Variants in OSBPL3 observed in about 807,000 individuals in gnomAD.
The protein encoded by OSBPL3 is oxysterol-binding protein-related protein 3.
Under a neutral mutation model 120.1 loss-of-function variants are expected in OSBPL3, and 65 were observed. That is an observed-to-expected ratio of 0.54 (90% CI 0.44 to 0.67). The LOEUF is 0.67. Among genes scored for constraint, OSBPL3 ranks in the 30% least tolerant of loss-of-function variants. OSBPL3 has a pLI of 0.00. For synonymous variants in OSBPL3, 416 were observed against 402.6 expected, an observed-to-expected ratio of 1.03 and a Z score of -0.40; for missense variants, 1,004 against 1,082.1, an observed-to-expected ratio of 0.93 and a Z score of 1.01.
At chr7:24,978,123 G>GTTAACCTGT (rs955404325) in intron 1 of OSBPL3, among the ~76,000 whole-genome samples, 1 of 152,212 alleles carries the variant, frequency 6.6e-6, no homozygotes, top group African/African-American at 2.4e-5. Flanking sequence ...GGCAACACAG[G>GTTAACCTGT]TTAACCTGCT....
At chr7:24,880,731 T>C (rs1803562647) in intron 2 of OSBPL3, among the ~76,000 whole-genome samples, 2 of 152,142 alleles carry the variant, frequency 1.3e-5, no homozygotes, top group Non-Finnish European at 2.9e-5. Flanking sequence ...GTGAGGGGCT[T>C]TTAAGGACCA....
intron 2 of OSBPL3, among the ~76,000 whole-genome samples, chr7:24,885,596 T>C (rs569947167): frequency 1.3e-5 from 2 of 152,340 alleles, no homozygotes; most frequent in South Asian, 4.1e-4. Flanking sequence ...GAAGCACTTG[T>C]CAATTATTTT....
Position 24,809,928 on chromosome 7 carries a change from G to A in OSBPL3, c.2196C>T (p.Ala732=). 6.2e-7 allele frequency: 1 copy of A among 1,614,122 alleles called. No individual in the cohort carries two copies. The highest frequency in any genetic ancestry group is 8.5e-7 in the Non-Finnish European group (1 of 1,180,004). ...FIKAKYWSTN[A]HEIEGTVFDR... ...CAAACACTGTGCCTTCAATCTCATG[G>A]GCATTAGTGCTCCAGTATTTTGCCT... is the stretch of plus-strand genomic sequence containing the variant. The change falls in exon 20 of 23, where the codon GCC becomes GCT. Residue 732 remains alanine, a synonymous_variant. Transcript: ENST00000313367.
Position 24,817,633 on chromosome 7 carries a change from A to G in OSBPL3, c.1949-945T>C, listed in dbSNP as rs192583395. Among the ~76,000 whole-genome samples the G allele has an allele frequency of 6.6e-4, 101 of 152,352 alleles. No homozygotes were observed. The East Asian group carries it at 0.018, about 26-fold the overall frequency. On this transcript the variant is annotated intron_variant, in intron 17 of 22. Coordinates refer to ENST00000313367, the MANE Select transcript of OSBPL3 (RefSeq NM_015550.4). The surrounding 1 kb of genome is among the most constrained non-coding windows in gnomAD (Gnocchi z 4.0). Reference sequence around the variant, plus strand: ...GATTAGACATGGACCTTGCAAAGGCAATTGGAAGCCATATGGAGAATGGAA... The same window carrying G: ...GATTAGACATGGACCTTGCAAAGGCGATTGGAAGCCATATGGAGAATGGAA...
At position 24,854,704 on chromosome 7, in the gene OSBPL3, T is replaced by A. The variant is rs1361877229; in HGVS notation, c.1028-2070A>T. On this transcript the variant is annotated intron_variant, in intron 10 of 22. Coordinates refer to ENST00000313367, the MANE Select transcript of OSBPL3 (RefSeq NM_015550.4). The surrounding 1 kb of genome is among the most constrained non-coding windows in gnomAD (Gnocchi z 4.1). ...GTAATCAACAGCTGGGGCTCCACCATCAGCCCTGGATTCTTCCCCACTCCA... is the reference window on the plus strand; with the variant it reads ...GTAATCAACAGCTGGGGCTCCACCAACAGCCCTGGATTCTTCCCCACTCCA... Among the ~76,000 whole-genome samples, 1 of 152,206 alleles carries A rather than the reference T, an allele frequency of 6.6e-6. No homozygotes were observed. Among genetic ancestry groups the A allele is most frequent in the African/African-American group, 2.4e-5 (1 of 41,458 alleles).
rs1276535177 is a variant in OSBPL3 at position 24,933,781 on chromosome 7, T to C, written c.-149-41160A>G. ...GTTATGAGAAAAGCAAACCAATGGG[T>C]AATTCCCAAAGTTACTATCTGCTTT... On this transcript the variant is annotated intron_variant, in intron 1 of 22. Coordinates refer to ENST00000313367, the MANE Select transcript of OSBPL3 (RefSeq NM_015550.4). This position sits in a 1 kb window ranked among gnomAD's most constrained non-coding sequence, Gnocchi z 5.1. Among the ~76,000 whole-genome samples the C allele has an allele frequency of 1.3e-5, 2 of 152,356 alleles. No homozygotes were observed. The highest frequency in any genetic ancestry group is 4.1e-4 in the South Asian group (2 of 4,834).
At position 24,852,730 on chromosome 7, in the gene OSBPL3, G is replaced by C; in HGVS notation, c.1028-96C>G. On this transcript the variant is annotated intron_variant, in intron 10 of 22. Coordinates refer to ENST00000313367, the MANE Select transcript of OSBPL3 (RefSeq NM_015550.4). The surrounding 1 kb of genome is among the most constrained non-coding windows in gnomAD (Gnocchi z 4.1). Reference sequence around the variant, plus strand: ...ATCTCTTATAAAAGAAACAAGCAAAGTAACAGCCCTGAATATTTTGAGTAT... The same window carrying C: ...ATCTCTTATAAAAGAAACAAGCAAACTAACAGCCCTGAATATTTTGAGTAT... The C allele has an allele frequency of 1.3e-6, 1 of 784,106 alleles. No homozygotes were observed. The highest frequency in any genetic ancestry group is 1.9e-6 in the Non-Finnish European group (1 of 523,580). 48.6% of individuals were successfully genotyped at this position (784,106 alleles called of 1,614,324 possible).
chr7:24,886,424 G>C (rs910211745), intron 2 of OSBPL3, among the ~76,000 whole-genome samples: 1 of 152,166 alleles, frequency 6.6e-6, no homozygotes, highest in African/African-American at 2.4e-5. Context: ...AAAATCAATG[G>C]GGAAGCCCTT....
Position 24,804,356 on chromosome 7 carries a change from G to T in OSBPL3, c.2526C>A (p.Val842=), listed in dbSNP as rs1174766530. The T allele has an allele frequency of 6.2e-7, 1 of 1,614,012 alleles. No individual in the cohort carries two copies. Among genetic ancestry groups the T allele is most frequent in the Non-Finnish European group, 8.5e-7 (1 of 1,180,002 alleles). The change falls in exon 22 of 23, where the codon GTC becomes GTA. Residue 842 remains valine, a synonymous_variant. Transcript: ENST00000313367. The surrounding 1 kb of genome is among the most constrained non-coding windows in gnomAD (Gnocchi z 5.4). ...IEQLQRERRR[V]LEENHVEHQP... ...GGTGCTCCACATGATTTTCTTCTAA[G>T]ACCCGCCGCCTTTCTCTCTGCAGTT...
intron 2 of OSBPL3, among the ~76,000 whole-genome samples, chr7:24,889,802 C>A (rs1233331746): frequency 6.6e-6 from 1 of 152,106 alleles, no homozygotes; most frequent in Non-Finnish European, 1.5e-5. Context: ...GGGGGAAGCC[C>A]CCACACCACA....
chr7:24,962,775 C>T (rs1274245535), intron 1 of OSBPL3, among the ~76,000 whole-genome samples: 1 of 152,162 alleles, frequency 6.6e-6, no homozygotes, highest in African/African-American at 2.4e-5. Context: ...GCTAGCACTA[C>T]TTTTGGACGT....
At chr7:24,911,694 G>A (rs1808841873) in intron 1 of OSBPL3, among the ~76,000 whole-genome samples, 1 of 152,052 alleles carries the variant, frequency 6.6e-6, no homozygotes, top group African/African-American at 2.4e-5. Context: ...AAACTGCAGG[G>A]GCGATAATAA....
intron 10 of OSBPL3, among the ~76,000 whole-genome samples, chr7:24,859,692 C>T (rs1292792944): frequency 6.6e-6 from 1 of 152,128 alleles, no homozygotes; most frequent in Non-Finnish European, 1.5e-5. Context: ...TTATCTAAGT[C>T]TCAAGTTTCT....
chr7:24,919,358 C>T (rs128), intron 1 of OSBPL3, among the ~76,000 whole-genome samples: 89,733 of 151,814 alleles, frequency 0.59, 27,061 homozygotes, highest in East Asian at 0.76. Flanking sequence ...AGCCCTCACA[C>T]TTATGGTCAC....
intron 16 of OSBPL3, among the ~76,000 whole-genome samples, chr7:24,828,763 A>ATTT (rs562215516): frequency 1.2e-4 from 17 of 145,678 alleles, no homozygotes; most frequent in Non-Finnish European, 2.0e-4. Flanking sequence ...TAATTTACAG[A>ATTT]TTTTTTTTTT....
In OSBPL3 at chr7:24,804,456, A is replaced by C. The variant is rs770956334; in HGVS notation, c.2445-19T>G. ...TAGAAACCTGAGGCATCGAGGAAAA[A>C]AAAATGAAAGGATATGAATTCAAGA... On this transcript the variant is annotated intron_variant, in intron 21 of 22. Transcript: ENST00000313367. The surrounding 1 kb of genome is among the most constrained non-coding windows in gnomAD (Gnocchi z 5.4). The C allele has an allele frequency of 2.5e-6, 4 of 1,609,556 alleles. No homozygotes were observed. Among genetic ancestry groups the C allele is most frequent in the Non-Finnish European group, 2.5e-6 (3 of 1,177,536 alleles).
rs112778282 is a variant in OSBPL3 at position 24,829,822 on chromosome 7, C to G, written c.1884+946G>C. Among the ~76,000 whole-genome samples, 418 of 151,208 alleles carry G rather than the reference C, an allele frequency of 2.8e-3. 4 individuals carry two copies. The highest frequency in any genetic ancestry group is 9.9e-3 in the African/African-American group (405 of 41,096). On this transcript the variant is annotated intron_variant, in intron 16 of 22. Coordinates refer to ENST00000313367, the MANE Select transcript of OSBPL3 (RefSeq NM_015550.4). ...TACACTCTATTTTAGGTAAATAATC[C>G]CCTGTTGACAAGCATTTTAGATGTT...
chr7:24,871,146 C>T lies in OSBPL3; in HGVS notation c.268-301G>A, dbSNP rs1314838494. On this transcript the variant is annotated intron_variant, in intron 4 of 22. Coordinates refer to ENST00000313367, the MANE Select transcript of OSBPL3 (RefSeq NM_015550.4). The surrounding 1 kb of genome is among the most constrained non-coding windows in gnomAD (Gnocchi z 4.8). ...AAAGAGTAAGCACCGTGGGTTGACT[C>T]CCATGGCAGTGAATTCACCTGTCAA... Among the ~76,000 whole-genome samples the T allele has an allele frequency of 6.6e-6, 1 of 152,204 alleles. No homozygotes were observed. The highest frequency in any genetic ancestry group is 1.5e-5 in the Non-Finnish European group (1 of 68,036).
chr7:24,902,404 C>T (rs1198413663), intron 1 of OSBPL3, among the ~76,000 whole-genome samples: 1 of 152,060 alleles, frequency 6.6e-6, no homozygotes, highest in East Asian at 1.9e-4. Flanking sequence ...TTATTGCACA[C>T]ACAAAAACAC....
Sources: allele counts gnomAD v4.1 joint callset (sites outside exome capture counted in the v4.1 genomes callset), GRCh38; gene constraint gnomAD v4.1.1; non-coding constraint Gnocchi (gnomAD v3.1); transcripts MANE v1.5; gene names NCBI Gene and HGNC (gene_info 2026-07-23, HGNC 2026-07-21).